The following MAGI2 variants were observed in gnomAD, a reference collection of about 807,000 sequenced individuals.
The protein encoded by MAGI2 is membrane-associated guanylate kinase, WW and PDZ domain-containing protein 2.
Under a neutral mutation model 133.3 loss-of-function variants are expected in MAGI2, and 35 were observed. That is an observed-to-expected ratio of 0.26 (90% CI 0.20 to 0.35). The LOEUF (loss-of-function observed/expected upper bound fraction) is 0.35, where lower values mean the gene tolerates loss of function less well. Ranked by LOEUF, MAGI2 falls within the 10% of genes least tolerant of loss-of-function variation. The pLI is 1.00. For synonymous variants in MAGI2, 729 were observed against 710.6 expected (o/e 1.03, Z -0.41); for missense variants, 1,636 against 1,863.4 (o/e 0.88, Z 2.25).
intron 10 of MAGI2, among the ~76,000 whole-genome samples, chr7:78,221,866 C>T (rs1788863307): frequency 6.6e-6 from 1 of 151,246 alleles, no homozygotes; most frequent in Admixed American, 6.6e-5. Flanking sequence ...GAACTCTTGG[C>T]CTTAAACGAT....
chr7:78,846,228 G>A (rs117745523), intron 2 of MAGI2, among the ~76,000 whole-genome samples: 3,953 of 151,776 alleles, frequency 0.026, 72 homozygotes, highest in Middle Eastern at 0.044. Context: ...TCCATTAACC[G>A]TACAATCTGG....
chr7:78,201,102 TTAAATGAAATTGCAATAG>T (rs1329011311), intron 11 of MAGI2, 42 bp downstream of exon 11: 17 of 1,150,340 alleles, frequency 1.5e-5, no homozygotes, highest in Non-Finnish European at 2.1e-5. Context: ...TCAACTTTTA[TTAAATGAAATTGCAATAG>T]TAAGTAGAAA....
At chr7:78,987,269 G>A (rs920603056) in intron 2 of MAGI2, among the ~76,000 whole-genome samples, 1 of 152,022 alleles carries the variant, frequency 6.6e-6, no homozygotes, top group Non-Finnish European at 1.5e-5. Context: ...GCAGATATAG[G>A]TGTGCAAATG....
chr7:78,217,962 C>T (rs1190229474), intron 10 of MAGI2, among the ~76,000 whole-genome samples: 1 of 152,170 alleles, frequency 6.6e-6, no homozygotes. Context: ...TAAGGGGCAT[C>T]ATTTCAAGCT....
intron 1 of MAGI2, among the ~76,000 whole-genome samples, chr7:79,408,859 A>C (rs1033373198): frequency 4.6e-5 from 7 of 152,214 alleles, no homozygotes; most frequent in African/African-American, 1.7e-4. Flanking sequence ...AGTGAATTCT[A>C]AAGATGTGAA....
In MAGI2 at chr7:79,419,723, C is replaced by A. The variant is rs144471084; in HGVS notation, c.301+33297G>T. Among the ~76,000 whole-genome samples, 853 of 152,044 alleles carry A rather than the reference C, an allele frequency of 5.6e-3. 6 individuals are homozygous for A. The highest frequency in any genetic ancestry group is 9.5e-3 in the Non-Finnish European group (646 of 67,882). On this transcript the variant is annotated intron_variant, in intron 1 of 21. Coordinates refer to ENST00000354212, the MANE Select transcript of MAGI2 (RefSeq NM_012301.4). Reference sequence around the variant, plus strand: ...CCCTATTCCCATTAAGCATGGTATTCCTTGTTAAACAAAAATTTATCTAAT... The same window carrying A: ...CCCTATTCCCATTAAGCATGGTATTACTTGTTAAACAAAAATTTATCTAAT...
intron 1 of MAGI2, among the ~76,000 whole-genome samples, chr7:79,247,680 A>C (rs560200586): frequency 6.6e-6 from 1 of 152,304 alleles, no homozygotes; most frequent in South Asian, 2.1e-4. Flanking sequence ...AATAAGATAC[A>C]AATAGAAACC....
chr7:78,672,258 G>A (rs1814476722), intron 2 of MAGI2, among the ~76,000 whole-genome samples: 1 of 151,980 alleles, frequency 6.6e-6, no homozygotes, highest in African/African-American at 2.4e-5. Context: ...TTAAAAAGAG[G>A]CTGGGACCTC....
intron 1 of MAGI2, among the ~76,000 whole-genome samples, chr7:79,363,428 A>T (rs1173082316): frequency 6.7e-6 from 1 of 150,332 alleles, no homozygotes; most frequent in Non-Finnish European, 1.5e-5. Context: ...TTACTATCAA[A>T]ATTCCACCAA....
At chr7:78,258,062 G>T (rs1793165921) in intron 9 of MAGI2, among the ~76,000 whole-genome samples, 1 of 152,178 alleles carries the variant, frequency 6.6e-6, no homozygotes, top group Non-Finnish European at 1.5e-5. Context: ...TGACAGAGAG[G>T]CCAAGCAGAC....
chr7:79,452,483 G>A (rs1349633076), intron 1 of MAGI2, among the ~76,000 whole-genome samples: 7 of 152,120 alleles, frequency 4.6e-5, no homozygotes, highest in African/African-American at 1.7e-4. Flanking sequence ...TTCGCCAGCG[G>A]TGGCTCACGG....
intron 6 of MAGI2, among the ~76,000 whole-genome samples, chr7:78,413,501 T>C (rs1798037370): frequency 6.6e-6 from 1 of 152,062 alleles, no homozygotes; most frequent in Non-Finnish European, 1.5e-5. Flanking sequence ...ATATTAACAT[T>C]AAGATCCCAT....
At chr7:78,232,774 G>A (rs1790116449) in intron 10 of MAGI2, among the ~76,000 whole-genome samples, 4 of 152,188 alleles carry the variant, frequency 2.6e-5, no homozygotes. Flanking sequence ...TGTCTGACCT[G>A]AATTCACAAG....
chr7:78,813,727 A>AGT (rs1299244429), intron 2 of MAGI2, among the ~76,000 whole-genome samples: 13 of 144,224 alleles, frequency 9.0e-5, no homozygotes, highest in African/African-American at 3.3e-4. Flanking sequence ...CAGAGCTTGC[A>AGT]GTGAGCTGAG....
chr7:78,452,503 T>C (rs1788834034), intron 6 of MAGI2, among the ~76,000 whole-genome samples: 1 of 151,850 alleles, frequency 6.6e-6, no homozygotes, highest in Non-Finnish European at 1.5e-5. Context: ...TTTTGAAAGG[T>C]CCCTAAAATA....
At chr7:78,916,021 G>A (rs1448594943) in intron 2 of MAGI2, among the ~76,000 whole-genome samples, 1 of 152,034 alleles carries the variant, frequency 6.6e-6, no homozygotes, top group African/African-American at 2.4e-5. Flanking sequence ...ATATAAGAGA[G>A]ATGGATTATG....
intron 1 of MAGI2, among the ~76,000 whole-genome samples, chr7:79,158,808 G>C (rs959310909): frequency 8.6e-5 from 13 of 151,830 alleles, no homozygotes; most frequent in African/African-American, 3.1e-4. Context: ...CAGGTAAATG[G>C]AATAAATGCT....
chr7:78,313,402 G>A (rs1005452078), intron 9 of MAGI2, among the ~76,000 whole-genome samples: 6 of 151,990 alleles, frequency 3.9e-5, no homozygotes, highest in African/African-American at 1.4e-4. Context: ...GTACTGGAAA[G>A]TGAAACAAAG....
intron 2 of MAGI2, among the ~76,000 whole-genome samples, chr7:78,892,401 A>G (rs1011256730): frequency 5.3e-5 from 8 of 152,164 alleles, no homozygotes; most frequent in African/African-American, 1.9e-4. Context: ...TATGGAACCA[A>G]AAAAGAGCCC....
Sources: allele counts gnomAD v4.1 joint callset (sites outside exome capture counted in the v4.1 genomes callset), GRCh38; gene constraint gnomAD v4.1.1; transcripts MANE v1.5; gene names NCBI Gene and HGNC (gene_info 2026-07-23, HGNC 2026-07-21).